CCDC180: variants seen among roughly 807,000 people sequenced by gnomAD.
CCDC180 encodes the protein coiled-coil domain containing 180.
In CCDC180, 154 loss-of-function variants were observed where a neutral mutation model predicts 209.2. The ratio of observed to expected loss-of-function variants is 0.74; its 90% CI spans 0.65 to 0.84. The LOEUF is 0.84. CCDC180 is among the 40% of genes least tolerant of loss of function. The pLI, the probability that CCDC180 is intolerant of heterozygous loss-of-function variation, is 0.00. For missense variants in CCDC180, 1,874 were observed against 1,997.3 expected (o/e 0.94, Z 1.18); for synonymous variants, 778 against 749.1 (o/e 1.04, Z -0.63).
chr9:97,318,380 T>G, intron 9 of CCDC180, 83 bp from the exon 10 acceptor site: 1 of 1,526,980 alleles, frequency 6.5e-7, no homozygotes, highest in Non-Finnish European at 8.9e-7. Flanking sequence ...CTCTGAATGC[T>G]GTCACCATGG....
intron 34 of CCDC180, 131 bp from the exon 35 acceptor site, chr9:97,374,412 C>T (rs564714639): frequency 3.6e-5 from 24 of 673,318 alleles, no homozygotes; most frequent in Admixed American, 1.1e-4. Flanking sequence ...ATGGAGAGGG[C>T]TCAGCCTGCC....
chr9:97,327,988 G>A, intron 15 of CCDC180, 32 bp from the exon 16 acceptor site: 1 of 1,602,370 alleles, frequency 6.2e-7, no homozygotes, highest in Non-Finnish European at 8.5e-7. Flanking sequence ...GTTCCTAGCT[G>A]GGGTCTCCTG....
At chr9:97,350,690 G>T in intron 22 of CCDC180, 135 bp downstream of exon 22, 1 of 943,224 alleles carries the variant, frequency 1.1e-6, no homozygotes, top group East Asian at 2.7e-5. Flanking sequence ...ATTTTTAGGT[G>T]CACAGATCAG....
intron 27 of CCDC180, 58 bp downstream of exon 27, chr9:97,361,956 T>C: frequency 6.3e-7 from 1 of 1,575,070 alleles, no homozygotes; most frequent in South Asian, 1.2e-5. Flanking sequence ...GCCCTGGACC[T>C]TCAGGGACCA....
At chr9:97,375,367 A>C in intron 35 of CCDC180, 87 bp from the exon 36 acceptor site, 2 of 1,540,582 alleles carry the variant, frequency 1.3e-6, no homozygotes, top group Non-Finnish European at 1.8e-6. Context: ...TTTTCAAAGA[A>C]ATGCTAAGCT....
At chr9:97,350,366 G>T (rs1226242784) in intron 21 of CCDC180, 43 bp from the exon 22 acceptor site, 2 of 1,529,048 alleles carry the variant, frequency 1.3e-6, no homozygotes, top group Non-Finnish European at 1.7e-6. Flanking sequence ...GTCCCCCAGG[G>T]TTGTCCCCCA....
Position 97,366,469 on chromosome 9 carries a change from T to G in CCDC180, c.4048-90T>G. On this transcript the variant is annotated intron_variant, in intron 30 of 36. Coordinates refer to ENST00000529487, the MANE Select transcript of CCDC180 (RefSeq NM_020893.6). This position sits in a 1 kb window ranked among gnomAD's most constrained non-coding sequence, Gnocchi z 4.3. ...GATGCCACGAGCAAAGGCTAGGGAG[T>G]GTGGAGGTGAGGGCAGGCTGGTGGA... The G allele has an allele frequency of 7.6e-7, 1 of 1,313,524 alleles. No homozygotes were observed. The highest frequency in any genetic ancestry group is 1.1e-6 in the Non-Finnish European group (1 of 938,810). 81.4% of individuals were successfully genotyped at this position (1,313,524 alleles called of 1,614,324 possible).
chr9:97,374,514 G>A, intron 34 of CCDC180, 29 bp from the exon 35 acceptor site: 1 of 1,540,584 alleles, frequency 6.5e-7, no homozygotes, highest in East Asian at 2.2e-5. Context: ...CGGTGAGGCT[G>A]CAGTCACTAG....
rs201031305 is a variant in CCDC180 at position 97,307,784 on chromosome 9, C to T, written c.-104C>T. 82 of 1,614,098 alleles carry T rather than the reference C, an allele frequency of 5.1e-5. No individual in the cohort carries two copies. The South Asian group carries it at 5.2e-4, about 10-fold the overall frequency. ...CGCGGCGGGGAGAACCGGCCTCCTG[C>T]TCGAGTTCAGAGCTCATCTGAGGTT... On this transcript the variant is annotated 5_prime_UTR_variant, in exon 1 of 37. Coordinates refer to ENST00000529487, the MANE Select transcript of CCDC180 (RefSeq NM_020893.6).
Position 97,364,091 on chromosome 9 carries a change from T to C in CCDC180, c.3943T>C (p.Tyr1315His). 1 of 1,614,098 alleles carries C rather than the reference T, an allele frequency of 6.2e-7. No homozygotes were observed. Among genetic ancestry groups the C allele is most frequent in the Non-Finnish European group, 8.5e-7 (1 of 1,180,004 alleles). ...HPKPNKMERKYRVLGDKPPPA... is the reference protein window; with the variant it reads ...HPKPNKMERKHRVLGDKPPPA... ...CAAGCCCAACAAAATGGAGAGAAAG[T>C]ACCGGGTGCTTGGGGACAAGCCTCC... The change falls in exon 29 of 37, where the codon TAC becomes CAC. Residue 1315 changes from tyrosine (Y) to histidine (H), a missense_variant. By Grantham distance (83) the Tyr-to-His change is moderately conservative. Transcript: ENST00000529487.
At chr9:97,348,903 C>T (rs999322959) in intron 20 of CCDC180, among the ~76,000 whole-genome samples, 2 of 152,198 alleles carry the variant, frequency 1.3e-5, no homozygotes, top group Non-Finnish European at 2.9e-5. Context: ...GGTGTCTCCA[C>T]AAACAGGAGC....
At position 97,307,734 on chromosome 9, in the gene CCDC180, A is replaced by C; in HGVS notation, c.-154A>C. The C allele has an allele frequency of 6.2e-7, 1 of 1,614,064 alleles. No individual in the cohort carries two copies. The highest frequency in any genetic ancestry group is 8.5e-7 in the Non-Finnish European group (1 of 1,179,918). ...ATAATCCTGTATTATTCGCGTTCCC[A>C]GAGTCCCTTCGGATTTGCGCCATGC... On this transcript the variant is annotated 5_prime_UTR_variant, in exon 1 of 37. Transcript: ENST00000529487.
At chr9:97,350,330 T>C (rs1202288601) in intron 21 of CCDC180, 79 bp from the exon 22 acceptor site, 1 of 1,408,480 alleles carries the variant, frequency 7.1e-7, no homozygotes, top group Non-Finnish European at 9.6e-7. Flanking sequence ...CTCAGGCTGA[T>C]CACCATCACC....
intron 18 of CCDC180, 84 bp from the exon 19 acceptor site, chr9:97,343,256 C>T (rs1225610678): frequency 3.3e-6 from 3 of 911,132 alleles, no homozygotes; most frequent in African/African-American, 3.4e-5. Context: ...TGGTTTACAA[C>T]CTCTGATATC....
rs1031675136 is a variant in CCDC180, at chr9:97,317,178, G to A, written c.909G>A (p.Leu303=). 4 of 1,612,552 alleles carry A rather than the reference G, an allele frequency of 2.5e-6. No individual in the cohort carries two copies. Among genetic ancestry groups the A allele is most frequent in the Admixed American group, 1.7e-5 (1 of 59,982 alleles). The part of the protein sequence containing the change: ...ELDSRHRWQG[L]VDTWKALKKE... ...ACAGCCGCCACCGCTGGCAAGGCTT[G>A]GTGGACACCTGGAAGGCTCTCAAGA... The change falls in exon 9 of 37, where the codon TTG becomes TTA. Residue 303 remains leucine, a synonymous_variant. Coordinates refer to ENST00000529487, the MANE Select transcript of CCDC180 (RefSeq NM_020893.6).
chr9:97,359,931 C>A, intron 25 of CCDC180, 51 bp from the exon 26 acceptor site: 1 of 1,605,484 alleles, frequency 6.2e-7, no homozygotes, highest in South Asian at 1.1e-5. Flanking sequence ...AATCTACCCA[C>A]CCTCCTGCAG....
intron 14 of CCDC180, among the ~76,000 whole-genome samples, chr9:97,325,737 G>A (rs1833509349): frequency 6.6e-6 from 1 of 152,228 alleles, no homozygotes; most frequent in South Asian, 2.1e-4. Flanking sequence ...TAGGTCCCTG[G>A]AAGCCAGAGG....
At chr9:97,347,756 C>T (rs1234049048) in intron 20 of CCDC180, 4 of 380,500 alleles carry the variant, frequency 1.1e-5, no homozygotes, top group Non-Finnish European at 1.9e-5. Context: ...GAGTGTTGTA[C>T]TGTTTTAGCT....
rs149131134 is a variant in CCDC180, at chr9:97,325,156, G to A, written c.1509G>A (p.Met503Ile). The A allele has an allele frequency of 2.1e-5, 34 of 1,609,030 alleles. No homozygotes were observed. Among genetic ancestry groups the A allele is most frequent in the Non-Finnish European group, 2.6e-5 (31 of 1,177,770 alleles). Residue 503 changes from methionine to isoleucine, a missense_variant, in exon 14 of 37, where the codon ATG becomes ATA. Transcript: ENST00000529487. ...AGGAGCTGGAGCTGGAGAAGAGGATGGAGCAGCACCGGCAGAAGCACAGCC... is the reference window on the plus strand; with the variant it reads ...AGGAGCTGGAGCTGGAGAAGAGGATAGAGCAGCACCGGCAGAAGCACAGCC... ...LVQELELEKR[M>I]EQHRQKHSLE...
Sources: gnomAD v4.1 joint callset for allele counts (sites outside exome capture counted in the v4.1 genomes callset) on GRCh38, gnomAD v4.1.1 for gene constraint, Gnocchi (gnomAD v3.1) non-coding constraint, MANE v1.5 for transcripts, NCBI Gene and HGNC (gene_info 2026-07-23, HGNC 2026-07-21) for gene names.